Variants in TRAF3 observed in about 807,000 individuals in gnomAD.
The protein encoded by TRAF3 is TNF receptor-associated factor 3.
In TRAF3, 13 loss-of-function variants were observed where a neutral mutation model predicts 62.3. That is an observed-to-expected ratio of 0.21 (90% CI 0.14 to 0.33). TRAF3 has a LOEUF of 0.33. TRAF3 is among the 10% of genes least tolerant of loss of function. The pLI, the probability that TRAF3 is intolerant of heterozygous loss-of-function variation, is 1.00. For synonymous variants in TRAF3, 269 were observed against 283.4 expected, an observed-to-expected ratio of 0.95 and a Z score of 0.51; for missense variants, 440 against 741.8, an observed-to-expected ratio of 0.59 and a Z score of 4.73.
At chr14:102,879,827 A>G (rs1446352188) in intron 6 of TRAF3, among the ~76,000 whole-genome samples, 1 of 151,718 alleles carries the variant, frequency 6.6e-6, no homozygotes, top group Non-Finnish European at 1.5e-5. Context: ...GTTATTAAGA[A>G]CTCTTGAGGC....
At chr14:102,885,265 A>G (rs1889312069) in intron 6 of TRAF3, among the ~76,000 whole-genome samples, 1 of 152,230 alleles carries the variant, frequency 6.6e-6, no homozygotes, top group Non-Finnish European at 1.5e-5. Flanking sequence ...TCTGGCTCTC[A>G]GCAAATCCCT....
At chr14:102,874,413 C>T (rs1387239344) in intron 4 of TRAF3, among the ~76,000 whole-genome samples, 3 of 152,120 alleles carry the variant, frequency 2.0e-5, no homozygotes, top group African/African-American at 4.8e-5. Context: ...TGTGCCACCA[C>T]ACCCGGTTAA....
chr14:102,813,340 T>C (rs1252426138), intron 1 of TRAF3, among the ~76,000 whole-genome samples: 1 of 152,212 alleles, frequency 6.6e-6, no homozygotes, highest in Non-Finnish European at 1.5e-5. Context: ...TTGTTTTGCA[T>C]TTCCTTGATG....
At chr14:102,878,130 A>T (rs1412017220) in intron 6 of TRAF3, among the ~76,000 whole-genome samples, 2 of 152,180 alleles carry the variant, frequency 1.3e-5, no homozygotes, top group African/African-American at 2.4e-5. Context: ...AAAAAAGGTA[A>T]AATTTTTATC....
chr14:102,907,231 G>A lies in TRAF3; in HGVS notation c.*1447G>A, dbSNP rs1890627613. ...CACCGGGGCCGTGGGCACCCCCACAGCCCGAAGCAGAACCCTCTGAGCATT... is the reference window on the plus strand; with the variant it reads ...CACCGGGGCCGTGGGCACCCCCACAACCCGAAGCAGAACCCTCTGAGCATT... On this transcript the variant is annotated 3_prime_UTR_variant, in exon 12 of 12. Coordinates refer to ENST00000392745, the MANE Select transcript of TRAF3 (RefSeq NM_145725.3). The A allele has an allele frequency of 6.6e-6, 1 of 152,276 alleles. No homozygotes were observed. Among genetic ancestry groups the A allele is most frequent in the Non-Finnish European group, 1.5e-5 (1 of 68,062 alleles). The allele number at this position is 152,276 out of a possible 1,614,324, so 9.4% of individuals were successfully genotyped here.
intron 1 of TRAF3, among the ~76,000 whole-genome samples, chr14:102,830,022 A>C (rs533490551): frequency 3.2e-4 from 48 of 152,360 alleles, no homozygotes; most frequent in African/African-American, 1.1e-3. Context: ...TGTGCATTTA[A>C]AACAATGTTG....
chr14:102,807,073 C>T (rs753245689), intron 1 of TRAF3, among the ~76,000 whole-genome samples: 9 of 152,152 alleles, frequency 5.9e-5, no homozygotes, highest in African/African-American at 1.2e-4. Flanking sequence ...CTGCTGATGC[C>T]GGTGGCCCCA....
chr14:102,818,652 T>C (rs544465075), intron 1 of TRAF3, among the ~76,000 whole-genome samples: 5 of 152,344 alleles, frequency 3.3e-5, no homozygotes, highest in Non-Finnish European at 1.5e-5. Flanking sequence ...TAACCACTGT[T>C]CTACTCTACG....
chr14:102,791,428 G>A (rs766096543), intron 1 of TRAF3, among the ~76,000 whole-genome samples: 1 of 152,062 alleles, frequency 6.6e-6, no homozygotes, highest in Admixed American at 6.6e-5. Context: ...TTATTTCTGG[G>A]TGCTTTATTT....
At chr14:102,800,345 A>AGGT (rs1029106358) in intron 1 of TRAF3, among the ~76,000 whole-genome samples, 9 of 152,340 alleles carry the variant, frequency 5.9e-5, no homozygotes, top group African/African-American at 2.2e-4. Flanking sequence ...AGAGGCTGTT[A>AGGT]GGTGATCATT....
At chr14:102,784,309 G>A (rs1382801953) in intron 1 of TRAF3, among the ~76,000 whole-genome samples, 4 of 139,526 alleles carry the variant, frequency 2.9e-5, no homozygotes, top group African/African-American at 5.7e-5. Context: ...TGCAACCTCC[G>A]CCCCCTGGGT....
chr14:102,805,705 A>G (rs1357556803), intron 1 of TRAF3, among the ~76,000 whole-genome samples: 2 of 152,208 alleles, frequency 1.3e-5, no homozygotes, highest in Non-Finnish European at 2.9e-5. Flanking sequence ...GTTGAAATGA[A>G]GAGGTTAGTC....
intron 9 of TRAF3, among the ~76,000 whole-genome samples, chr14:102,894,461 A>AT: frequency 6.6e-6 from 1 of 152,218 alleles, no homozygotes; most frequent in East Asian, 1.9e-4. Context: ...AGTGGGCTGG[A>AT]GTAAAGGATG....
chr14:102,825,229 T>G lies in TRAF3; in HGVS notation c.-156-5105T>G, dbSNP rs142981231. Among the ~76,000 whole-genome samples, 873 of 152,334 alleles carry G rather than the reference T, an allele frequency of 5.7e-3. 9 individuals carry two copies. Among genetic ancestry groups the G allele is most frequent in the Admixed American group, 9.9e-3 (151 of 15,308 alleles). On this transcript the variant is annotated intron_variant, in intron 1 of 11. Coordinates refer to ENST00000392745, the MANE Select transcript of TRAF3 (RefSeq NM_145725.3). Reference sequence around the variant, plus strand: ...CAAGCAGCTTTGCTGGAGCACCCACTGGTGCACTTGGAAAGTGATTTCTCC... The same window carrying G: ...CAAGCAGCTTTGCTGGAGCACCCACGGGTGCACTTGGAAAGTGATTTCTCC...
intron 1 of TRAF3, among the ~76,000 whole-genome samples, chr14:102,781,667 C>G (rs928716414): frequency 1.3e-5 from 2 of 152,040 alleles, no homozygotes; most frequent in Admixed American, 6.6e-5. Flanking sequence ...CACTCTGTTG[C>G]CCACGCTGGA....
intron 2 of TRAF3, among the ~76,000 whole-genome samples, chr14:102,832,208 TCA>T (rs1900732560): frequency 6.6e-6 from 1 of 152,208 alleles, no homozygotes; most frequent in Non-Finnish European, 1.5e-5. Context: ...AAAGATAAAC[TCA>T]CAGTTATCTT....
chr14:102,854,058 G>T (rs1456591808), intron 2 of TRAF3, among the ~76,000 whole-genome samples: 1 of 152,032 alleles, frequency 6.6e-6, no homozygotes, highest in Non-Finnish European at 1.5e-5. Context: ...TTTTGTTTCT[G>T]ACTTCTATAA....
chr14:102,864,578 C>T (rs1887873817), intron 2 of TRAF3, among the ~76,000 whole-genome samples: 1 of 152,126 alleles, frequency 6.6e-6, no homozygotes, highest in African/African-American at 2.4e-5. Context: ...AAATTATGAT[C>T]AGTTTCGAGG....
At chr14:102,822,454 C>G (rs1332993838) in intron 1 of TRAF3, among the ~76,000 whole-genome samples, 1 of 152,184 alleles carries the variant, frequency 6.6e-6, no homozygotes, top group African/African-American at 2.4e-5. Context: ...ATTTACCAAT[C>G]TGAGTAACTT....
Sources: allele counts gnomAD v4.1 joint callset (sites outside exome capture counted in the v4.1 genomes callset), GRCh38; gene constraint gnomAD v4.1.1; transcripts MANE v1.5; gene names NCBI Gene and HGNC (gene_info 2026-07-23, HGNC 2026-07-21).